Variants in FHL2 observed in about 807,000 individuals in gnomAD.
FHL2 encodes the protein four and a half LIM domains protein 2.
In FHL2, 20 loss-of-function variants were observed where a neutral mutation model predicts 32.7. The observed-to-expected ratio is 0.61, with a 90% CI of 0.43 to 0.89. The LOEUF (loss-of-function observed/expected upper bound fraction) is 0.89. Ranked by LOEUF, FHL2 falls within the 40% of genes least tolerant of loss-of-function variation. The pLI is 0.00. For synonymous variants in FHL2, 123 were observed against 128.1 expected, an observed-to-expected ratio of 0.96 and a Z score of 0.27; for missense variants, 311 against 358.6, an observed-to-expected ratio of 0.87 and a Z score of 1.07.
At chr2:105,431,777 G>A (rs1162343305) in intron 1 of FHL2, among the ~76,000 whole-genome samples, 2 of 152,210 alleles carry the variant, frequency 1.3e-5, no homozygotes, top group Non-Finnish European at 2.9e-5. Context: ...TGGTTAAATT[G>A]GGCTCACATT....
intron 5 of FHL2, among the ~76,000 whole-genome samples, chr2:105,367,053 C>T (rs918108827): frequency 1.3e-5 from 2 of 152,258 alleles, no homozygotes; most frequent in African/African-American, 2.4e-5. Context: ...GGATTACAGG[C>T]ATGAGCCTCC....
Position 105,399,027 on chromosome 2 carries a change from G to A in FHL2, c.-261C>T. The A allele has an allele frequency of 6.7e-7, 1 of 1,494,618 alleles. No individual in the cohort carries two copies. Among genetic ancestry groups the A allele is most frequent in the Non-Finnish European group, 8.9e-7 (1 of 1,125,082 alleles). 92.6% of individuals were successfully genotyped at this position (1,494,618 alleles called of 1,614,324 possible). ...GGCTGGAGGGCGCGGGCGGCTGGTG[G>A]CTGCGGCTCCGCTGCCGGCCGAGTG... On this transcript the variant is annotated 5_prime_UTR_variant, in exon 1 of 7. Coordinates refer to ENST00000530340, the MANE Select transcript of FHL2 (RefSeq NM_001318895.3).
intron 1 of FHL2, among the ~76,000 whole-genome samples, chr2:105,427,155 C>T (rs1684293126): frequency 6.6e-6 from 1 of 152,060 alleles, no homozygotes; most frequent in African/African-American, 2.4e-5. Flanking sequence ...TTGGTGGCTG[C>T]CCACACCAGG....
At chr2:105,366,483 T>C (rs1680642870) in intron 5 of FHL2, among the ~76,000 whole-genome samples, 1 of 151,888 alleles carries the variant, frequency 6.6e-6, no homozygotes, top group Non-Finnish European at 1.5e-5. Flanking sequence ...CCAGGGCGAG[T>C]GAGCAGTGGG....
At chr2:105,407,334 G>A (rs1408371837) in intron 1 of FHL2, among the ~76,000 whole-genome samples, 1 of 150,362 alleles carries the variant, frequency 6.7e-6, no homozygotes, top group East Asian at 2.0e-4. Flanking sequence ...GGAGCTTGCA[G>A]TGAGCTGAGA....
At chr2:105,436,143 C>A (rs1461831049) in intron 1 of FHL2, among the ~76,000 whole-genome samples, 1 of 151,988 alleles carries the variant, frequency 6.6e-6, no homozygotes, top group African/African-American at 2.4e-5. Flanking sequence ...TATTTTTCAT[C>A]CACATTTTAG....
At chr2:105,414,063 G>A (rs1683866054) in intron 1 of FHL2, among the ~76,000 whole-genome samples, 1 of 152,192 alleles carries the variant, frequency 6.6e-6, no homozygotes, top group Non-Finnish European at 1.5e-5. Flanking sequence ...TGGGGAGGGG[G>A]TCCTAGAACC....
chr2:105,411,261 T>A (rs1166770973), intron 1 of FHL2, among the ~76,000 whole-genome samples: 4 of 152,230 alleles, frequency 2.6e-5, no homozygotes, highest in African/African-American at 9.6e-5. Flanking sequence ...TTAGCACAAT[T>A]TCCTAGTATT....
intron 2 of FHL2, among the ~76,000 whole-genome samples, chr2:105,394,290 C>G (rs947731823): frequency 2.6e-5 from 4 of 151,990 alleles, no homozygotes; most frequent in African/African-American, 9.7e-5. Flanking sequence ...ATGGATCAAG[C>G]CTTGGAGTCC....
At chr2:105,399,218 G>C, upstream of FHL2, 1 of 1,531,440 alleles carries the variant, frequency 6.5e-7, no homozygotes, top group Non-Finnish European at 8.7e-7. Flanking sequence ...GTCCCGGCCC[G>C]TACCCTTTGT....
At chr2:105,392,812 CTTTTT>C (rs34774107) in intron 2 of FHL2, among the ~76,000 whole-genome samples, 1 of 66,020 alleles carries the variant, frequency 1.5e-5, no homozygotes, top group Non-Finnish European at 2.6e-5. Context: ...TGCCAGGAAG[CTTTTT>C]TTTTTTTTTT....
intron 1 of FHL2, among the ~76,000 whole-genome samples, chr2:105,434,165 A>G (rs1429578401): frequency 6.6e-6 from 1 of 152,256 alleles, no homozygotes; most frequent in Non-Finnish European, 1.5e-5. Flanking sequence ...TTTTGCCCTC[A>G]ATACCTGAAG....
At chr2:105,393,724 A>T (rs902224200) in intron 2 of FHL2, among the ~76,000 whole-genome samples, 1 of 152,244 alleles carries the variant, frequency 6.6e-6, no homozygotes, top group African/African-American at 2.4e-5. Context: ...AAAAATTAGA[A>T]ACATATTATG....
intron 1 of FHL2, among the ~76,000 whole-genome samples, chr2:105,412,324 G>C (rs1683817510): frequency 6.6e-6 from 1 of 152,178 alleles, no homozygotes; most frequent in Non-Finnish European, 1.5e-5. Context: ...GCTTGAATGA[G>C]AATTGCTTGA....
intron 1 of FHL2, among the ~76,000 whole-genome samples, chr2:105,423,860 T>C (rs1684179861): frequency 6.6e-6 from 1 of 152,184 alleles, no homozygotes. Context: ...CCTTACACCT[T>C]GTACAAAAAT....
rs572091194 is a variant in FHL2 at position 105,428,296 on chromosome 2, C to A, written c.-25+10103G>T. On this transcript the variant is annotated intron_variant, in intron 1 of 5. Transcript: ENST00000393352. ...TGAGGTCTGGACATAGCTCAGCTGACACAGATTTGGGAGCCAGGGGCTTGC... is the reference window on the plus strand; with the variant it reads ...TGAGGTCTGGACATAGCTCAGCTGAAACAGATTTGGGAGCCAGGGGCTTGC... Among the ~76,000 whole-genome samples the A allele has an allele frequency of 2.0e-5, 3 of 152,316 alleles. No homozygotes were observed. The South Asian group carries it at 6.2e-4, about 32-fold the overall frequency.
At chr2:105,419,015 A>G (rs1684021180) in intron 1 of FHL2, among the ~76,000 whole-genome samples, 1 of 152,210 alleles carries the variant, frequency 6.6e-6, no homozygotes, top group Non-Finnish European at 1.5e-5. Context: ...CCACCAGATA[A>G]GGGGAGACTG....
At position 105,396,733 on chromosome 2, in the gene FHL2, A is replaced by G. The variant is rs754384337; in HGVS notation, c.-75-36T>C. On this transcript the variant is annotated intron_variant, in intron 1 of 6. Transcript: ENST00000530340. ...CACACGTGTTTTGTTTCAGATGGTC[A>G]TCTTGAGGAAGCGAACTCAGTATAA... 5.6e-6 allele frequency: 9 copies of G among 1,605,812 alleles called. No individual in the cohort carries two copies. The East Asian group carries it at 1.8e-4, about 32-fold the overall frequency.
rs75936773 is a variant in FHL2, at chr2:105,406,807, G to A, written c.-24-20267C>T. 1.1e-3 allele frequency among the ~76,000 whole-genome samples: 172 copies of A among 152,268 alleles called. 1 individual carries two copies. Among genetic ancestry groups the A allele is most frequent in the African/African-American group, 3.9e-3 (164 of 41,556 alleles). On this transcript the variant is annotated intron_variant, in intron 1 of 5. Transcript: ENST00000393352. Reference sequence around the variant, plus strand: ...TTTGCACCTCACATGTTCTACCTGCGGCCAGTGAGGGGAGAGCCTTTCATC... The same window carrying A: ...TTTGCACCTCACATGTTCTACCTGCAGCCAGTGAGGGGAGAGCCTTTCATC...
Sources: allele counts gnomAD v4.1 joint callset (sites outside exome capture counted in the v4.1 genomes callset), GRCh38; gene constraint gnomAD v4.1.1; transcripts MANE v1.5; gene names NCBI Gene and HGNC (gene_info 2026-07-23, HGNC 2026-07-21).